Variants in NCOA1 observed in about 807,000 individuals in gnomAD.
NCOA1 encodes the protein Hin-2 protein.
Under a neutral mutation model 150.9 loss-of-function variants are expected in NCOA1, and 35 were observed. That is an observed-to-expected ratio of 0.23 (90% confidence interval 0.18 to 0.31). The LOEUF (loss-of-function observed/expected upper bound fraction) is 0.31. Among genes scored for constraint, NCOA1 ranks in the 10% least tolerant of loss-of-function variants. The pLI is 1.00. For synonymous variants in NCOA1, 590 were observed against 630.0 expected, an observed-to-expected ratio of 0.94 and a Z score of 0.95; for missense variants, 1,491 against 1,749.3, an observed-to-expected ratio of 0.85 and a Z score of 2.63.
At chr2:24,623,327 G>A (rs530635225) in intron 3 of NCOA1, among the ~76,000 whole-genome samples, 10 of 152,168 alleles carry the variant, frequency 6.6e-5, no homozygotes, top group Non-Finnish European at 1.2e-4. Flanking sequence ...ATTTGGGAGA[G>A]CTAAGTATAG....
At chr2:24,601,827 G>A (rs1427433734) in intron 3 of NCOA1, among the ~76,000 whole-genome samples, 1 of 151,110 alleles carries the variant, frequency 6.6e-6, no homozygotes, top group Non-Finnish European at 1.5e-5. Flanking sequence ...GTAGAGACAG[G>A]GTTTCACCGT....
chr2:24,590,952 G>A (rs1359330395), intron 3 of NCOA1, among the ~76,000 whole-genome samples: 1 of 152,110 alleles, frequency 6.6e-6, no homozygotes, highest in Non-Finnish European at 1.5e-5. Flanking sequence ...GATTTTGAAC[G>A]ATTTTGCTTA....
At chr2:24,670,478 C>G (rs1300334147) in intron 6 of NCOA1, among the ~76,000 whole-genome samples, 1 of 152,092 alleles carries the variant, frequency 6.6e-6, no homozygotes, top group African/African-American at 2.4e-5. Context: ...CTATGAAGGA[C>G]TATTATTAGG....
chr2:24,622,968 GACACATGTACATATGTTCATGTGT>G (rs1669239789), intron 3 of NCOA1, among the ~76,000 whole-genome samples: 2 of 152,162 alleles, frequency 1.3e-5, no homozygotes, highest in South Asian at 4.1e-4. Context: ...TGACCATGTG[GACACATGTACATATGTTCATGTGT>G]ATATATATTC....
intron 7 of NCOA1, among the ~76,000 whole-genome samples, chr2:24,676,832 A>T (rs1222735024): frequency 6.6e-6 from 1 of 152,196 alleles, no homozygotes; most frequent in Non-Finnish European, 1.5e-5. Flanking sequence ...AAATTTCATA[A>T]TTGGAAATAT....
Position 24,742,079 on chromosome 2 carries a change from A to G in NCOA1, c.3599A>G (p.Asn1200Ser). 3 of 1,614,204 alleles carry G rather than the reference A, an allele frequency of 1.9e-6. No homozygotes were observed. Among genetic ancestry groups the G allele is most frequent in the Non-Finnish European group, 2.5e-6 (3 of 1,180,020 alleles). ...LAANPEASLA[N>S]RNSMVSRGMT... ...GCAAATCCTGAAGCATCCTTGGCCA[A>G]CCGCAACAGCATGGTGAGCAGAGGC... The change falls in exon 19 of 23, where the codon AAC (asparagine) becomes AGC (serine). Residue 1200 changes from asparagine (N) to serine (S), a missense_variant. This residue lies in a region of NCOA1 where 485 missense variants were observed against 522.8 expected (regional missense o/e 0.93). Coordinates refer to ENST00000348332, the MANE Select transcript of NCOA1 (RefSeq NM_003743.5).
At chr2:24,499,009 A>G (rs2148069512) in intron 1 of NCOA1, among the ~76,000 whole-genome samples, 1 of 152,108 alleles carries the variant, frequency 6.6e-6, no homozygotes, top group South Asian at 2.1e-4. Context: ...CTTTTTTCGA[A>G]TTAACTTTTT....
In NCOA1 at chr2:24,693,187, C is replaced by T. The variant is rs56070988; in HGVS notation, c.713-65C>T. 3,917 of 1,431,908 alleles carry T rather than the reference C, an allele frequency of 2.7e-3. 82 individuals are homozygous for T. The African/African-American group carries it at 0.048, about 18-fold the overall frequency. The allele number at this position is 1,431,908 out of a possible 1,614,324, so 88.7% of individuals were successfully genotyped here. A position where few individuals can be genotyped will look rare whatever the true frequency, so the allele number is the denominator to read the frequency against. ...TTGTTTTTATGAAAACCATTAATGG[C>T]GAGTGATAGATATAAACCATTTTCT... On this transcript the variant is annotated intron_variant, in intron 9 of 22. Transcript: ENST00000348332.
chr2:24,556,329 A>T (rs1437004681), intron 1 of NCOA1, among the ~76,000 whole-genome samples: 1 of 152,198 alleles, frequency 6.6e-6, no homozygotes, highest in Non-Finnish European at 1.5e-5. Flanking sequence ...ACATGATCTC[A>T]TTCTGTTTCA....
At chr2:24,729,132 CTG>C (rs1662861919) in intron 16 of NCOA1, among the ~76,000 whole-genome samples, 2 of 152,244 alleles carry the variant, frequency 1.3e-5, no homozygotes, top group East Asian at 3.9e-4. Flanking sequence ...AATTTTATAT[CTG>C]AGATAGAAAA....
chr2:24,594,662 G>GGTT (rs1667816192), intron 3 of NCOA1, among the ~76,000 whole-genome samples: 1 of 152,066 alleles, frequency 6.6e-6, no homozygotes, highest in Admixed American at 6.6e-5. Context: ...AACCTCTAAA[G>GGTT]AATTGTGTAA....
chr2:24,668,747 A>C (rs1190717305), intron 6 of NCOA1, among the ~76,000 whole-genome samples: 1 of 152,076 alleles, frequency 6.6e-6, no homozygotes, highest in Admixed American at 6.6e-5. Flanking sequence ...CCTAGAAAAT[A>C]GCCAGTCCTA....
intron 21 of NCOA1, 88 bp from the exon 22 acceptor site, chr2:24,762,599 C>T: frequency 1.8e-6 from 2 of 1,142,800 alleles, no homozygotes; most frequent in Non-Finnish European, 2.6e-6. Context: ...TATTACTTTT[C>T]TGTCAGTGAG....
chr2:24,701,447 C>G (rs192502793), intron 11 of NCOA1, among the ~76,000 whole-genome samples: 2 of 148,008 alleles, frequency 1.4e-5, no homozygotes, highest in Non-Finnish European at 3.0e-5. Flanking sequence ...GTGAAGACTT[C>G]AGTTAGCCTT....
intron 2 of NCOA1, among the ~76,000 whole-genome samples, chr2:24,565,066 C>T (rs1013986113): frequency 6.6e-6 from 1 of 152,122 alleles, no homozygotes; most frequent in African/African-American, 2.4e-5. Context: ...CCCTGTAGGA[C>T]CTTTGGGATC....
chr2:24,610,707 TTTG>T (rs1668584474), intron 3 of NCOA1, among the ~76,000 whole-genome samples: 2 of 151,834 alleles, frequency 1.3e-5, no homozygotes, highest in Non-Finnish European at 2.9e-5. Context: ...TACAACAAAT[TTTG>T]TTGTTTGTTT....
chr2:24,685,049 C>T (rs1672339905), intron 8 of NCOA1, among the ~76,000 whole-genome samples: 1 of 151,924 alleles, frequency 6.6e-6, no homozygotes, highest in South Asian at 2.1e-4. Flanking sequence ...AATCAAGATT[C>T]AGAACCTATC....
chr2:24,517,514 CAG>C (rs1558759334), intron 1 of NCOA1, among the ~76,000 whole-genome samples: 1 of 152,102 alleles, frequency 6.6e-6, no homozygotes, highest in Non-Finnish European at 1.5e-5. Context: ...TTCACACTGA[CAG>C]GGTGTTGTTG....
At chr2:24,692,722 T>C (rs1672720639) in intron 9 of NCOA1, among the ~76,000 whole-genome samples, 1 of 152,222 alleles carries the variant, frequency 6.6e-6, no homozygotes, top group Non-Finnish European at 1.5e-5. Flanking sequence ...GAGCATTCAA[T>C]AGGAAGGAAT....
Sources: allele counts gnomAD v4.1 joint callset (sites outside exome capture counted in the v4.1 genomes callset), GRCh38; gene constraint gnomAD v4.1.1; regional missense constraint gnomAD v4.1.1; transcripts MANE v1.5; gene names NCBI Gene and HGNC (gene_info 2026-07-23, HGNC 2026-07-21).